The following ENOX1 variants were observed in gnomAD, a reference collection of about 807,000 sequenced individuals.
ENOX1 encodes the protein ecto-NOX disulfide-thiol exchanger 1.
ENOX1 carries 42 observed loss-of-function variants against 82.5 expected under a neutral mutation model. The observed-to-expected ratio is 0.51, with a 90% CI of 0.40 to 0.66. The LOEUF is 0.66. Among genes scored for constraint, ENOX1 ranks in the 30% least tolerant of loss-of-function variants. The pLI, the probability that ENOX1 is intolerant of heterozygous loss-of-function variation, is 0.00. For missense variants in ENOX1, 608 were observed against 811.6 expected, an observed-to-expected ratio of 0.75 and a Z score of 3.05; for synonymous variants, 271 against 282.2, an observed-to-expected ratio of 0.96 and a Z score of 0.40.
chr13:43,615,754 C>G (rs944620260), intron 2 of ENOX1, among the ~76,000 whole-genome samples: 29 of 151,904 alleles, frequency 1.9e-4, no homozygotes, highest in Non-Finnish European at 5.9e-5. Flanking sequence ...CCCCTCACCC[C>G]CCGACAGGCC....
At chr13:43,384,965 C>T (rs553937963) in intron 5 of ENOX1, among the ~76,000 whole-genome samples, 1 of 152,064 alleles carries the variant, frequency 6.6e-6, no homozygotes, top group Admixed American at 6.5e-5. Context: ...TGGTTAGTTT[C>T]TCAGAGAAGG....
At chr13:43,480,240 G>A (rs1463543920) in intron 3 of ENOX1, among the ~76,000 whole-genome samples, 1 of 152,076 alleles carries the variant, frequency 6.6e-6, no homozygotes, top group East Asian at 1.9e-4. Context: ...CACCTGGCTG[G>A]TTACTAAACA....
At chr13:43,441,028 G>A (rs2056329506) in intron 3 of ENOX1, among the ~76,000 whole-genome samples, 1 of 152,040 alleles carries the variant, frequency 6.6e-6, no homozygotes, top group South Asian at 2.1e-4. Flanking sequence ...CCCAAATCAA[G>A]GATATTCTAT....
chr13:43,423,261 T>C (rs909680441), intron 3 of ENOX1, among the ~76,000 whole-genome samples: 1 of 152,196 alleles, frequency 6.6e-6, no homozygotes, highest in African/African-American at 2.4e-5. Flanking sequence ...GTTGTTGTTT[T>C]CTACTTTCCA....
At chr13:43,386,999 AG>A (rs1320072378) in intron 5 of ENOX1, among the ~76,000 whole-genome samples, 1 of 152,246 alleles carries the variant, frequency 6.6e-6, no homozygotes, top group Non-Finnish European at 1.5e-5. Flanking sequence ...AAATTATATG[AG>A]AAGATTTAGA....
intron 5 of ENOX1, among the ~76,000 whole-genome samples, chr13:43,388,235 G>A (rs903616176): frequency 6.6e-6 from 1 of 152,176 alleles, no homozygotes; most frequent in African/African-American, 2.4e-5. Context: ...AATTTATCTT[G>A]CTCAGTGGAA....
At position 43,622,594 on chromosome 13, in the gene ENOX1, T is replaced by C. The variant is rs1357115560; in HGVS notation, c.-219+44885A>G. The stretch of plus-strand genomic sequence containing the variant: ...GTTGTCTGCACAGAGTCCTGTGATG[T>C]GAACCATCTATGGGTCTCTCAGCTG... On this transcript the variant is annotated intron_variant, in intron 2 of 16. Transcript: ENST00000690772. 2.0e-5 allele frequency among the ~76,000 whole-genome samples: 3 copies of C among 152,206 alleles called. No individual in the cohort carries two copies. The East Asian group carries it at 5.8e-4, about 29-fold the overall frequency.
At chr13:43,703,801 A>C (rs1017747744) in intron 1 of ENOX1, among the ~76,000 whole-genome samples, 1 of 152,152 alleles carries the variant, frequency 6.6e-6, no homozygotes, top group African/African-American at 2.4e-5. Flanking sequence ...TTCCTTTAGA[A>C]GCTATTTCTT....
At chr13:43,570,329 T>C (rs150806562) in intron 2 of ENOX1, among the ~76,000 whole-genome samples, 3 of 152,078 alleles carry the variant, frequency 2.0e-5, no homozygotes, top group Non-Finnish European at 4.4e-5. Flanking sequence ...ACATAGGCAG[T>C]AGCGGAAGCC....
intron 2 of ENOX1, among the ~76,000 whole-genome samples, chr13:43,582,460 A>C (rs998802252): frequency 6.6e-6 from 1 of 152,222 alleles, no homozygotes; most frequent in African/African-American, 2.4e-5. Context: ...TAAATTGAGA[A>C]GCTGGTACCT....
At chr13:43,597,718 TCTCA>T (rs1369467598) in intron 2 of ENOX1, among the ~76,000 whole-genome samples, 1 of 152,172 alleles carries the variant, frequency 6.6e-6, no homozygotes, top group African/African-American at 2.4e-5. Context: ...AAGTCTCCCA[TCTCA>T]CTCAGAGAAA....
chr13:43,666,410 G>C (rs1197198023), intron 2 of ENOX1, among the ~76,000 whole-genome samples: 1 of 152,148 alleles, frequency 6.6e-6, no homozygotes, highest in African/African-American at 2.4e-5. Context: ...AAGGTCATTA[G>C]GGTGAACCCT....
chr13:43,543,276 G>A (rs1026787888), intron 2 of ENOX1, among the ~76,000 whole-genome samples: 3 of 152,134 alleles, frequency 2.0e-5, no homozygotes, highest in Admixed American at 2.0e-4. Flanking sequence ...ATCAGATAGA[G>A]CCCTGTTTTC....
intron 2 of ENOX1, among the ~76,000 whole-genome samples, chr13:43,652,908 C>A (rs1422664945): frequency 6.6e-6 from 1 of 152,190 alleles, no homozygotes; most frequent in Non-Finnish European, 1.5e-5. Flanking sequence ...CTGGGAGATG[C>A]ATGGCAGAAC....
intron 8 of ENOX1, among the ~76,000 whole-genome samples, chr13:43,345,018 T>A (rs1029900357): frequency 2.0e-5 from 3 of 152,228 alleles, no homozygotes; most frequent in Non-Finnish European, 4.4e-5. Flanking sequence ...TTCTGGGCAT[T>A]CTTAGGAATA....
chr13:43,745,001 C>T (rs1314988019), intron 1 of ENOX1, among the ~76,000 whole-genome samples: 1 of 152,186 alleles, frequency 6.6e-6, no homozygotes, highest in Non-Finnish European at 1.5e-5. Context: ...AACTGGAAAA[C>T]ATTCACTTGC....
At chr13:43,218,430 C>T (rs1345040674) in intron 16 of ENOX1, among the ~76,000 whole-genome samples, 1 of 152,090 alleles carries the variant, frequency 6.6e-6, no homozygotes, top group Non-Finnish European at 1.5e-5. Context: ...AGTTTGAGAC[C>T]AGCCTGGGCA....
intron 14 of ENOX1, among the ~76,000 whole-genome samples, chr13:43,258,926 C>G (rs908563662): frequency 1.3e-5 from 2 of 152,182 alleles, no homozygotes; most frequent in African/African-American, 2.4e-5. Context: ...TGGAATGAAA[C>G]AGGACTAGCA....
At chr13:43,714,804 G>A (rs1315445340) in intron 1 of ENOX1, among the ~76,000 whole-genome samples, 1 of 152,144 alleles carries the variant, frequency 6.6e-6, no homozygotes, top group African/African-American at 2.4e-5. Flanking sequence ...GAGCCTATGT[G>A]TGTCTCTGCA....
Sources: gnomAD v4.1 joint callset for allele counts (sites outside exome capture counted in the v4.1 genomes callset) on GRCh38, gnomAD v4.1.1 for gene constraint, MANE v1.5 for transcripts, NCBI Gene and HGNC (gene_info 2026-07-23, HGNC 2026-07-21) for gene names.